MAPKAP1: variants seen among roughly 807,000 people sequenced by gnomAD.
MAPKAP1 encodes the protein target of rapamycin complex 2 subunit MAPKAP1.
A neutral mutation model predicts 65.7 loss-of-function variants in MAPKAP1; 20 were observed. The observed-to-expected ratio is 0.30, with a 90% CI of 0.21 to 0.44. The LOEUF is 0.44. Ranked by LOEUF, MAPKAP1 falls within the 20% of genes least tolerant of loss-of-function variation. The pLI is 1.00. For synonymous variants in MAPKAP1, 222 were observed against 244.3 expected (o/e 0.91, Z 0.85); for missense variants, 423 against 648.0 (o/e 0.65, Z 3.77).
intron 7 of MAPKAP1, among the ~76,000 whole-genome samples, chr9:125,507,760 T>C (rs146933872): frequency 7.9e-5 from 12 of 152,372 alleles, no homozygotes; most frequent in South Asian, 6.2e-4. Flanking sequence ...TATTTAAGCA[T>C]ATGCTCAGAA....
chr9:125,693,772 C>T (rs1176067737), intron 1 of MAPKAP1, among the ~76,000 whole-genome samples: 5 of 150,454 alleles, frequency 3.3e-5, no homozygotes, highest in African/African-American at 4.9e-5. Context: ...CGTATATACA[C>T]ATATATACAC....
rs1402183744 is a variant in MAPKAP1 at position 125,632,084 on chromosome 9, T to C, written c.498+25567A>G. ...AAAATACAAAAAAATTAGCCAGGCATGGTGGCACATGCCTGTAGTCCCAGC... is the reference window on the plus strand; with the variant it reads ...AAAATACAAAAAAATTAGCCAGGCACGGTGGCACATGCCTGTAGTCCCAGC... On this transcript the variant is annotated intron_variant, in intron 4 of 11. Transcript: ENST00000265960. 1.6e-4 allele frequency among the ~76,000 whole-genome samples: 25 copies of C among 152,200 alleles called. No individual in the cohort carries two copies. In the East Asian group the frequency reaches 4.8e-3, roughly 29 times the overall value.
rs1022175855 is a variant in MAPKAP1, at chr9:125,595,403, G to A, written c.499-9676C>T. On this transcript the variant is annotated intron_variant, in intron 4 of 11. Coordinates refer to ENST00000265960, the MANE Select transcript of MAPKAP1 (RefSeq NM_001006617.3). This position sits in a 1 kb window ranked among gnomAD's most constrained non-coding sequence, Gnocchi z 4.0. ...AATTGAAATGTATGTATTTGAACAT[G>A]CTGATGAATTAAAACATTATCTAGA... 3 of 330,820 alleles carry A rather than the reference G, an allele frequency of 9.1e-6. No homozygotes were observed. The highest frequency in any genetic ancestry group is 2.2e-5 in the African/African-American group (1 of 44,776). 20.5% of individuals were successfully genotyped at this position (330,820 alleles called of 1,614,324 possible).
At chr9:125,535,987 G>T (rs1256022051) in intron 7 of MAPKAP1, among the ~76,000 whole-genome samples, 1 of 152,196 alleles carries the variant, frequency 6.6e-6, no homozygotes, top group Non-Finnish European at 1.5e-5. Context: ...TAATGGAAAA[G>T]GAACTTCTGA....
At chr9:125,477,684 A>G (rs1854161334) in intron 9 of MAPKAP1, among the ~76,000 whole-genome samples, 2 of 152,184 alleles carry the variant, frequency 1.3e-5, no homozygotes, top group Non-Finnish European at 2.9e-5. Flanking sequence ...GCCAGCCAAC[A>G]AATACTTATT....
Position 125,648,811 on chromosome 9 carries a change from C to T in MAPKAP1, c.498+8840G>A, listed in dbSNP as rs575879430. On this transcript the variant is annotated intron_variant, in intron 4 of 11. Transcript: ENST00000265960. ...CAAAAATTAGCTGGGCGTGGTGGCA[C>T]GCACCTGTAATCCCAGCTACTTGGG... Among the ~76,000 whole-genome samples, 68 of 152,070 alleles carry T rather than the reference C, an allele frequency of 4.5e-4. 1 individual carries two copies. The South Asian group carries it at 0.013, about 29-fold the overall frequency.
At chr9:125,502,983 T>G (rs1038592501) in intron 8 of MAPKAP1, among the ~76,000 whole-genome samples, 2 of 152,236 alleles carry the variant, frequency 1.3e-5, no homozygotes, top group Non-Finnish European at 2.9e-5. Context: ...ATCTTCCAAG[T>G]AAACTGAACC....
intron 5 of MAPKAP1, among the ~76,000 whole-genome samples, chr9:125,571,238 T>A (rs1831220312): frequency 6.6e-6 from 1 of 152,202 alleles, no homozygotes; most frequent in Non-Finnish European, 1.5e-5. Flanking sequence ...TATGTAAAAT[T>A]TTGTGTGCCA....
intron 1 of MAPKAP1, among the ~76,000 whole-genome samples, chr9:125,699,210 C>T (rs535192582): frequency 7.9e-5 from 12 of 151,768 alleles, no homozygotes; most frequent in African/African-American, 2.9e-4. Context: ...TTTATACTAA[C>T]TTTTTTTTTC....
intron 3 of MAPKAP1, among the ~76,000 whole-genome samples, chr9:125,662,499 G>C (rs1051864173): frequency 1.3e-5 from 2 of 152,108 alleles, no homozygotes; most frequent in Non-Finnish European, 2.9e-5. Context: ...CTGGCTAAGA[G>C]GGTGAAACCC....
chr9:125,522,344 T>TACG (rs529798724), intron 7 of MAPKAP1, among the ~76,000 whole-genome samples: 5 of 152,198 alleles, frequency 3.3e-5, no homozygotes, highest in Non-Finnish European at 7.3e-5. Context: ...ATGACGACAC[T>TACG]ACGATTCACC....
chr9:125,615,315 T>TC lies in MAPKAP1; in HGVS notation c.499-29589dup, dbSNP rs1832714244. On this transcript the variant is annotated intron_variant, in intron 4 of 11. Transcript: ENST00000265960. ...TTCAAAATGGTAAAGATGCCAATTC[T>TC]CCCAAATTGATCTACAAATTTAATC... Among the ~76,000 whole-genome samples, 15 of 152,222 alleles carry TC rather than the reference T, an allele frequency of 9.9e-5. 2 individuals are homozygous for TC. Among genetic ancestry groups the TC allele is most frequent in the African/African-American group, 3.6e-4 (15 of 41,550 alleles).
rs758437508 is a variant in MAPKAP1, at chr9:125,447,705, G to A, written c.1346-3107C>T. 2.6e-5 allele frequency among the ~76,000 whole-genome samples: 4 copies of A among 152,192 alleles called. No individual in the cohort carries two copies. The highest frequency in any genetic ancestry group is 5.9e-5 in the Non-Finnish European group (4 of 68,044). On this transcript the variant is annotated intron_variant, in intron 10 of 11. Transcript: ENST00000265960. This position sits in a 1 kb window ranked among gnomAD's most constrained non-coding sequence, Gnocchi z 4.5. The stretch of plus-strand genomic sequence containing the variant: ...ACACCGAGAGTCAAATATGATGAGC[G>A]TGAAGAAGGTAAACGCAGGGAGCTG...
intron 10 of MAPKAP1, among the ~76,000 whole-genome samples, chr9:125,457,371 T>C (rs775138374): frequency 6.6e-6 from 1 of 152,238 alleles, no homozygotes; most frequent in Non-Finnish European, 1.5e-5. Flanking sequence ...TTAATTTTTC[T>C]TCTTTTTGAG....
chr9:125,446,419 A>G lies in MAPKAP1; in HGVS notation c.1346-1821T>C, dbSNP rs990793138. 7.2e-5 allele frequency among the ~76,000 whole-genome samples: 11 copies of G among 152,194 alleles called. 1 individual carries two copies. Among genetic ancestry groups the G allele is most frequent in the African/African-American group, 2.7e-4 (11 of 41,436 alleles). ...GAAGCTAGTCACTCTGTTAACATAT[A>G]AATTCTGTGTTTCTAATAAGGAGGT... On this transcript the variant is annotated intron_variant, in intron 10 of 11. Transcript: ENST00000265960.
intron 10 of MAPKAP1, among the ~76,000 whole-genome samples, chr9:125,450,637 C>T (rs2046781943): frequency 1.3e-5 from 2 of 152,170 alleles, no homozygotes; most frequent in African/African-American, 4.8e-5. Flanking sequence ...AGCTTTGAGG[C>T]TTGGGATTCT....
At chr9:125,562,423 C>T (rs941314565) in intron 5 of MAPKAP1, among the ~76,000 whole-genome samples, 5 of 152,200 alleles carry the variant, frequency 3.3e-5, no homozygotes, top group Non-Finnish European at 7.4e-5. Context: ...CCATATTATA[C>T]AAGATGAATA....
At chr9:125,558,041 G>C (rs1171536046) in intron 6 of MAPKAP1, among the ~76,000 whole-genome samples, 13 of 152,046 alleles carry the variant, frequency 8.6e-5, no homozygotes. Flanking sequence ...ATTTTTAGTA[G>C]AGACGGGGTT....
At chr9:125,470,316 G>A (rs893327346) in intron 9 of MAPKAP1, among the ~76,000 whole-genome samples, 8 of 152,198 alleles carry the variant, frequency 5.3e-5, no homozygotes, top group East Asian at 1.9e-4. Context: ...ATTTATTGCC[G>A]TACTGAGTTT....
Sources: allele counts gnomAD v4.1 joint callset (sites outside exome capture counted in the v4.1 genomes callset), GRCh38; gene constraint gnomAD v4.1.1; non-coding constraint Gnocchi (gnomAD v3.1); transcripts MANE v1.5; gene names NCBI Gene and HGNC (gene_info 2026-07-23, HGNC 2026-07-21).